Variants in HNRNPL observed in about 807,000 individuals in gnomAD.
HNRNPL encodes the protein epididymis secretory sperm binding protein.
In HNRNPL, 12 loss-of-function variants were observed where a neutral mutation model predicts 64.0. The ratio of observed to expected loss-of-function variants is 0.19; its 90% CI spans 0.12 to 0.30. HNRNPL has a LOEUF of 0.30. Ranked by LOEUF, HNRNPL falls within the 10% of genes least tolerant of loss-of-function variation. The pLI, the probability that HNRNPL is intolerant of heterozygous loss-of-function variation, is 1.00. For missense variants in HNRNPL, 484 were observed against 797.4 expected (o/e 0.61, Z 4.73); for synonymous variants, 385 against 313.0 (o/e 1.23, Z -2.43).
chr19:38,850,146 TTGTC>T (rs1972463178), upstream of HNRNPL: 2 of 499,694 alleles, frequency 4.0e-6, no homozygotes, highest in South Asian at 3.2e-5. Context: ...CCGCCCTTGT[TTGTC>T]TGAGACACTC....
intron 4 of HNRNPL, chr19:38,845,440 C>T: frequency 1.7e-6 from 1 of 586,594 alleles, no homozygotes; most frequent in Non-Finnish European, 3.0e-6. Context: ...TCTCCCAACA[C>T]ACTGCTCTCT....
In HNRNPL at chr19:38,837,279, A is replaced by C. The variant is rs1971960565; in HGVS notation, c.1711+105T>G. 3.5e-6 allele frequency: 3 copies of C among 856,850 alleles called. No individual in the cohort carries two copies. In the African/African-American group the frequency reaches 5.0e-5, roughly 14 times the overall value. The allele number at this position is 856,850 out of a possible 1,614,324, so 53.1% of individuals were successfully genotyped here. A position where few individuals can be genotyped will look rare whatever the true frequency, so the allele number is the denominator to read the frequency against. On this transcript the variant is annotated intron_variant, in intron 12 of 12. Transcript: ENST00000221419. ...CCTGCCTGTGTCACCAACAGTGCGA[A>C]GATCCCGGGGTCCTATCTCAAGGGC...
chr19:38,837,486 G>A lies in HNRNPL; in HGVS notation c.1616-7C>T, dbSNP rs1971967398. 1.2e-6 allele frequency: 2 copies of A among 1,613,992 alleles called. No individual in the cohort carries two copies. The highest frequency in any genetic ancestry group is 4.5e-5 in the East Asian group (2 of 44,886). ...CCAGAGGAGCTGCGCTCACCTGATT[G>A]CAAACCAAGGGGAAAAGTAAAGGTT... On this transcript the variant is annotated splice_region_variant and splice_polypyrimidine_tract_variant and intron_variant, in intron 11 of 12. Coordinates refer to ENST00000221419, the MANE Select transcript of HNRNPL (RefSeq NM_001533.3).
intron 12 of HNRNPL, 65 bp from the exon 13 acceptor site, chr19:38,836,845 C>G: frequency 8.3e-7 from 1 of 1,205,328 alleles, no homozygotes; most frequent in Non-Finnish European, 1.2e-6. Flanking sequence ...CAGGTCCCCT[C>G]AAGTTTGTAC....
intron 6 of HNRNPL, among the ~76,000 whole-genome samples, chr19:38,842,846 T>C (rs932902845): frequency 2.0e-5 from 3 of 152,214 alleles, no homozygotes; most frequent in African/African-American, 7.2e-5. Flanking sequence ...ACATCTTCTA[T>C]TTATGTTCCT....
chr19:38,849,775 G>T lies in HNRNPL; in HGVS notation c.192C>A (p.Asp64Glu). 7.1e-7 allele frequency: 1 copy of T among 1,417,490 alleles called. No homozygotes were observed. 87.8% of individuals were successfully genotyped at this position (1,417,490 alleles called of 1,614,324 possible). A position where few individuals can be genotyped will look rare whatever the true frequency, so the allele number is the denominator to read the frequency against. ...CGCCTCCGTGCTGGTCGCCGGCGTT[G>T]TCAGTCTTGAGCCGCTTAGGGGCCC... ...GGRAPKRLKTDNAGDQHGGGG... is the reference protein window; with the variant it reads ...GGRAPKRLKTENAGDQHGGGG... Residue 64 changes from aspartate (D) to glutamate (E), a missense_variant, in exon 1 of 13, where the codon GAC becomes GAA. By Grantham distance (45) the Asp-to-Glu change is conservative. Coordinates refer to ENST00000221419, the MANE Select transcript of HNRNPL (RefSeq NM_001533.3).
chr19:38,848,731 A>T (rs1972390021), intron 1 of HNRNPL, among the ~76,000 whole-genome samples: 1 of 152,146 alleles, frequency 6.6e-6, no homozygotes, highest in Non-Finnish European at 1.5e-5. Flanking sequence ...AATTCACCTC[A>T]TCTCATCTCT....
In HNRNPL at chr19:38,849,941, G is replaced by C; in HGVS notation, c.26C>G (p.Ala9Gly). The change falls in exon 1 of 13, where the codon GCG (alanine) becomes GGG (glycine). Residue 9 changes from alanine (A) to glycine (G), a missense_variant. Physicochemically the swap from Ala to Gly is moderately conservative, Grantham distance 60. Transcript: ENST00000221419. ...CTCCAGCCGCCGACGCCGCTTCTCC[G>C]CCCGGGGCAGCAGCCTCCGCGACAT... is the stretch of plus-strand genomic sequence containing the variant. MSRRLLPRAEKRRRRLEQR... is the reference protein window; with the variant it reads MSRRLLPRGEKRRRRLEQR... 1 of 1,364,092 alleles carries C rather than the reference G, an allele frequency of 7.3e-7. No individual in the cohort carries two copies. The highest frequency in any genetic ancestry group is 9.6e-7 in the Non-Finnish European group (1 of 1,040,412). 84.5% of individuals were successfully genotyped at this position (1,364,092 alleles called of 1,614,324 possible).
chr19:38,850,186 T>A (rs754089491), upstream of HNRNPL: 146 of 406,348 alleles, frequency 3.6e-4, no homozygotes, highest in Non-Finnish European at 5.3e-4. Context: ...TTTCTGCCAG[T>A]CTTTCCGTCG....
chr19:38,843,686 C>A (rs551430181), intron 6 of HNRNPL, 156 bp downstream of exon 6: 2 of 636,072 alleles, frequency 3.1e-6, no homozygotes, highest in East Asian at 2.7e-5. Context: ...CTCACTCCCC[C>A]ATCCCACTAG....
chr19:38,840,888 A>C, intron 6 of HNRNPL: 1 of 353,964 alleles, frequency 2.8e-6, no homozygotes, highest in South Asian at 3.9e-5. Context: ...GCTGCTACAG[A>C]AGCTGATATA....
In HNRNPL at chr19:38,837,388, G is replaced by A. The variant is rs765464827; in HGVS notation, c.1707C>T (p.Asn569=). 39 of 1,613,270 alleles carry A rather than the reference G, an allele frequency of 2.4e-5. No homozygotes were observed. Among genetic ancestry groups the A allele is most frequent in the Non-Finnish European group, 3.1e-5 (37 of 1,179,340 alleles). The change falls in exon 12 of 13, where the codon AAC becomes AAT. Residue 569 remains asparagine (N), a synonymous_variant. Coordinates refer to ENST00000221419, the MANE Select transcript of HNRNPL (RefSeq NM_001533.3). Reference sequence around the variant, plus strand: ...GCAGGACACACAGATACTCACTTGGGTTTTTCATCTGGTAATGGTTCAGGA... The same window carrying A: ...GCAGGACACACAGATACTCACTTGGATTTTTCATCTGGTAATGGTTCAGGA... The part of the protein sequence containing the change: ...LGFLNHYQMK[N]PNGPYPYTLK...
chr19:38,844,861 A>G (rs1055195870), intron 4 of HNRNPL: 2 of 151,794 alleles, frequency 1.3e-5, no homozygotes, highest in Non-Finnish European at 2.9e-5. Flanking sequence ...ACAGGCGTTC[A>G]CCACCATGCC....
rs537302886 is a variant in HNRNPL, at chr19:38,837,276, C to CG, written c.1711+107dup. The CG allele has an allele frequency of 7.7e-3, 6,433 of 833,930 alleles. 46 individuals are homozygous for CG. The highest frequency in any genetic ancestry group is 0.017 in the Middle Eastern group (48 of 2,870). 51.7% of individuals were successfully genotyped at this position (833,930 alleles called of 1,614,324 possible). The stretch of plus-strand genomic sequence containing the variant: ...CCACCTGCCTGTGTCACCAACAGTG[C>CG]GAAGATCCCGGGGTCCTATCTCAAG... On this transcript the variant is annotated intron_variant, in intron 12 of 12. Coordinates refer to ENST00000221419, the MANE Select transcript of HNRNPL (RefSeq NM_001533.3).
chr19:38,838,237 G>C (rs1260245191), intron 10 of HNRNPL, among the ~76,000 whole-genome samples, 160 bp downstream of exon 10: 1 of 152,242 alleles, frequency 6.6e-6, no homozygotes, highest in African/African-American at 2.4e-5. Flanking sequence ...TGAGAGCACA[G>C]ATTCCTATCT....
At chr19:38,840,405 G>A (rs756072477) in intron 7 of HNRNPL, 29 bp from the exon 8 acceptor site, 2 of 1,566,712 alleles carry the variant, frequency 1.3e-6, no homozygotes, top group African/African-American at 1.4e-5. Context: ...AGAGAGGGAG[G>A]ACGGGTGAGA....
In HNRNPL at chr19:38,837,586, C is replaced by A. The variant is rs371547645; in HGVS notation, c.1615+8G>T. 1.1e-5 allele frequency: 17 copies of A among 1,614,134 alleles called. No individual in the cohort carries two copies. Among genetic ancestry groups the A allele is most frequent in the Non-Finnish European group, 1.4e-5 (17 of 1,179,946 alleles). On this transcript the variant is annotated splice_region_variant and intron_variant, in intron 11 of 12. Coordinates refer to ENST00000221419, the MANE Select transcript of HNRNPL (RefSeq NM_001533.3). ...ATTAGGGCAAGGAGGTGGGCACACT[C>A]GACTCACTTTTGCCTGAGAATACTT...
chr19:38,838,840 C>A, intron 9 of HNRNPL, 54 bp downstream of exon 9: 1 of 1,610,916 alleles, frequency 6.2e-7, no homozygotes, highest in South Asian at 1.1e-5. Context: ...GGCCCCATTC[C>A]CCTCCTTTTC....
chr19:38,849,885 G>T lies in HNRNPL; in HGVS notation c.82C>A (p.Arg28=), dbSNP rs371221066. The T allele has an allele frequency of 3.7e-4, 456 of 1,228,680 alleles. 2 individuals carry two copies. The South Asian group carries it at 4.5e-3, about 12-fold the overall frequency. 76.1% of individuals were successfully genotyped at this position (1,228,680 alleles called of 1,614,324 possible). ...QRQQPDEQRR[R]SGAMVKMAAA... ...GCCATCTTCACCATCGCTCCCGACC[G>T]CCTCCGCTGCTCGTCCGGCTGCTGC... is the stretch of plus-strand genomic sequence containing the variant. The change falls in exon 1 of 13, where the codon CGG becomes AGG. Residue 28 remains arginine, a synonymous_variant. Transcript: ENST00000221419.
Sources: gnomAD v4.1 joint callset for allele counts (sites outside exome capture counted in the v4.1 genomes callset) on GRCh38, gnomAD v4.1.1 for gene constraint, MANE v1.5 for transcripts, NCBI Gene and HGNC (gene_info 2026-07-23, HGNC 2026-07-21) for gene names.